IPPK: variants seen among roughly 807,000 people sequenced by gnomAD.
IPPK encodes IPK1 homolog.
Under a neutral mutation model 64.6 loss-of-function variants are expected in IPPK, and 22 were observed. The observed-to-expected ratio is 0.34, with a 90% confidence interval of 0.24 to 0.49. IPPK has a LOEUF of 0.49. IPPK is among the 20% of genes least tolerant of loss of function. IPPK has a pLI of 0.99. For synonymous variants in IPPK, 262 were observed against 247.2 expected (o/e 1.06, Z -0.56); for missense variants, 532 against 630.7 (o/e 0.84, Z 1.68).
chr9:92,620,813 T>C (rs1202980023), intron 11 of IPPK, among the ~76,000 whole-genome samples: 1 of 152,130 alleles, frequency 6.6e-6, no homozygotes, highest in Non-Finnish European at 1.5e-5. Flanking sequence ...TCTATTCAGT[T>C]AGCTAGAGTA....
chr9:92,665,540 CTGAG>C (rs10608559), intron 1 of IPPK, among the ~76,000 whole-genome samples: 57,849 of 151,672 alleles, frequency 0.38, 13,558 homozygotes, highest in African/African-American at 0.66. Flanking sequence ...ATCTTTTTTC[CTGAG>C]TATCATACAT....
intron 4 of IPPK, among the ~76,000 whole-genome samples, chr9:92,651,717 T>C (rs962565657): frequency 6.6e-6 from 1 of 152,330 alleles, no homozygotes; most frequent in African/African-American, 2.4e-5. Context: ...ATTTGTTCTT[T>C]TTTGTTCGTT....
At chr9:92,667,098 C>T (rs1347879549) in intron 1 of IPPK, among the ~76,000 whole-genome samples, 1 of 152,232 alleles carries the variant, frequency 6.6e-6, no homozygotes, top group Admixed American at 6.5e-5. Flanking sequence ...CAGCACAGGA[C>T]TCATTAGGGA....
intron 8 of IPPK, 48 bp from the exon 9 acceptor site, chr9:92,638,328 T>C (rs1851984347): frequency 1.3e-6 from 2 of 1,575,430 alleles, no homozygotes; most frequent in Non-Finnish European, 8.7e-7. Flanking sequence ...ACCAAGCTTG[T>C]AGGAAAAGAA....
At chr9:92,637,896 A>G (rs1237864816) in intron 9 of IPPK, 105 bp downstream of exon 9, 2 of 1,259,722 alleles carry the variant, frequency 1.6e-6, no homozygotes, top group Non-Finnish European at 2.1e-6. Flanking sequence ...GGCATCCCCC[A>G]GAGCCCCCAG....
Position 92,615,913 on chromosome 9 carries a change from A to G in IPPK, c.1395T>C (p.Thr465=), listed in dbSNP as rs1457079665. The G allele has an allele frequency of 2.5e-6, 4 of 1,614,086 alleles. No individual in the cohort carries two copies. The highest frequency in any genetic ancestry group is 2.2e-5 in the East Asian group (1 of 44,892). Residue 465 remains threonine (T), a synonymous_variant, in exon 13 of 13, where the codon ACT becomes ACC. Transcript: ENST00000287996. ...DGKIVNYYSK[T]VRAKDNAVMS... ...TCACGGCGTTGTCTTTGGCACGTAC[A>G]GTCTTTGAATAATAGTTGACGATCT... is the stretch of plus-strand genomic sequence containing the variant.
In IPPK at chr9:92,635,123, CAG is replaced by C. The variant is rs1289376727; in HGVS notation, c.1067+33_1067+34del. The C allele has an allele frequency of 6.3e-7, 1 of 1,590,264 alleles. No homozygotes were observed. The highest frequency in any genetic ancestry group is 1.3e-5 in the African/African-American group (1 of 74,366). ...CCTGCCCACTCCCACAGTCTCCTCT[CAG>C]GGCTGCCCAACAGGGGGACCGCCCG... On this transcript the variant is annotated intron_variant, in intron 10 of 12. Coordinates refer to ENST00000287996, the MANE Select transcript of IPPK (RefSeq NM_022755.6). The surrounding 1 kb of genome is among the most constrained non-coding windows in gnomAD (Gnocchi z 4.4).
intron 12 of IPPK, chr9:92,618,457 C>A (rs147005093): frequency 8.8e-6 from 4 of 456,596 alleles, no homozygotes; most frequent in African/African-American, 8.0e-5. Flanking sequence ...TGTCCTTCAG[C>A]GGCCTTTCAC....
intron 1 of IPPK, among the ~76,000 whole-genome samples, chr9:92,668,911 C>T (rs1852662570): frequency 6.6e-6 from 1 of 152,256 alleles, no homozygotes; most frequent in Non-Finnish European, 1.5e-5. Context: ...CCACTGCCTA[C>T]ATCATCCCTG....
At chr9:92,642,696 C>A in intron 7 of IPPK, 56 bp downstream of exon 7, 1 of 1,514,604 alleles carries the variant, frequency 6.6e-7, no homozygotes, top group South Asian at 1.1e-5. Flanking sequence ...TGGCCCCCGC[C>A]CTACCCATCT....
Position 92,634,451 on chromosome 9 carries a change from A to G in IPPK, c.1105T>C (p.Phe369Leu). The G allele has an allele frequency of 3.1e-6, 5 of 1,614,076 alleles. No individual in the cohort carries two copies. Among genetic ancestry groups the G allele is most frequent in the African/African-American group, 1.3e-5 (1 of 75,044 alleles). The change falls in exon 11 of 13, where the codon TTT becomes CTT. Residue 369 changes from phenylalanine to leucine, a missense_variant. By Grantham distance (22) the Phe-to-Leu change is conservative. Coordinates refer to ENST00000287996, the MANE Select transcript of IPPK (RefSeq NM_022755.6). ...GAAAGGTCAAGCAGCTTCTGGTAAA[A>G]TGCTTCATCATAAGGCCCATCTATT... ...LQIDGPYDEA[F>L]YQKLLDLSTE...
At chr9:92,631,142 G>A (rs567517611) in intron 11 of IPPK, among the ~76,000 whole-genome samples, 2 of 151,792 alleles carry the variant, frequency 1.3e-5, no homozygotes, top group South Asian at 4.2e-4. Context: ...AGTCTCCTGA[G>A]CACTGAAATG....
intron 11 of IPPK, among the ~76,000 whole-genome samples, chr9:92,623,494 T>C (rs931260172): frequency 2.0e-5 from 3 of 151,132 alleles, no homozygotes; most frequent in Non-Finnish European, 4.4e-5. Context: ...AAAAGATACC[T>C]ACTGGACACA....
intron 11 of IPPK, among the ~76,000 whole-genome samples, chr9:92,632,690 A>G (rs1391945244): frequency 6.6e-6 from 1 of 152,186 alleles, no homozygotes; most frequent in Non-Finnish European, 1.5e-5. Flanking sequence ...CACCAGGATG[A>G]CAACTCTGCC....
At chr9:92,655,507 T>G (rs1288736715) in intron 3 of IPPK, among the ~76,000 whole-genome samples, 1 of 152,150 alleles carries the variant, frequency 6.6e-6, no homozygotes, top group East Asian at 1.9e-4. Context: ...GGAGCCAGAC[T>G]GCTCATTGCT....
At chr9:92,653,023 A>G (rs1852299478) in intron 3 of IPPK, among the ~76,000 whole-genome samples, 1 of 152,142 alleles carries the variant, frequency 6.6e-6, no homozygotes, top group Non-Finnish European at 1.5e-5. Flanking sequence ...GACCACATGG[A>G]AGACCCTTAC....
intron 9 of IPPK, among the ~76,000 whole-genome samples, chr9:92,637,020 C>T (rs1342539186): frequency 3.3e-5 from 5 of 152,056 alleles, no homozygotes; most frequent in Admixed American, 2.0e-4. Context: ...AAAAAACCCC[C>T]ACAAAGTTCA....
At chr9:92,663,739 C>T (rs1357272256) in intron 1 of IPPK, among the ~76,000 whole-genome samples, 3 of 152,162 alleles carry the variant, frequency 2.0e-5, no homozygotes, top group Non-Finnish European at 4.4e-5. Flanking sequence ...GAGACTTTCC[C>T]GCCACCCACA....
intron 1 of IPPK, among the ~76,000 whole-genome samples, chr9:92,665,223 G>C (rs758416057): frequency 6.6e-6 from 1 of 152,218 alleles, no homozygotes; most frequent in Non-Finnish European, 1.5e-5. Context: ...AGAAAGCTAA[G>C]ACTATTTCAA....
Sources: allele counts gnomAD v4.1 joint callset (sites outside exome capture counted in the v4.1 genomes callset), GRCh38; gene constraint gnomAD v4.1.1; non-coding constraint Gnocchi (gnomAD v3.1); transcripts MANE v1.5; gene names NCBI Gene and HGNC (gene_info 2026-07-23, HGNC 2026-07-21).